The following EPS8 variants were observed in gnomAD, a reference collection of about 807,000 sequenced individuals.
The protein encoded by EPS8 is EGFR pathway substrate 8, signaling adaptor.
In EPS8, 42 loss-of-function variants were observed where a neutral mutation model predicts 103.8. The observed-to-expected ratio is 0.40, with a 90% CI of 0.32 to 0.52. EPS8 has a LOEUF of 0.52. EPS8 is among the 20% of genes least tolerant of loss of function. EPS8 has a pLI of 0.40. For missense variants in EPS8, 969 were observed against 1,005.1 expected (o/e 0.96, Z 0.49); for synonymous variants, 344 against 344.6 (o/e 1.00, Z 0.02).
rs1947245114 is a variant in EPS8 at position 15,780,144 on chromosome 12, TAAAC to T, written c.-22+9013_-22+9016del. ...TAGAAGAGAAGATTTATGCAATTCT[TAAAC>T]AGGTTTGGTATCTTTATTCTCTTCT... On this transcript the variant is annotated intron_variant, in intron 1 of 20. Transcript: ENST00000281172. This position sits in a 1 kb window ranked among gnomAD's most constrained non-coding sequence, Gnocchi z 4.1. The T allele has an allele frequency of 6.6e-6, 1 of 152,230 alleles. No individual in the cohort carries two copies. 9.4% of individuals were successfully genotyped at this position (152,230 alleles called of 1,614,324 possible).
intron 10 of EPS8, 71 bp from the exon 11 acceptor site, chr12:15,658,656 C>A (rs1043465361): frequency 5.7e-5 from 57 of 1,002,336 alleles, no homozygotes; most frequent in Non-Finnish European, 8.3e-5. Context: ...AAAACAAAAA[C>A]CACATTTATG....
chr12:15,690,305 A>T lies in EPS8; in HGVS notation c.-21-7333T>A, dbSNP rs1946154085. On this transcript the variant is annotated intron_variant, in intron 1 of 20. Coordinates refer to ENST00000281172, the MANE Select transcript of EPS8 (RefSeq NM_004447.6). The surrounding 1 kb of genome is among the most constrained non-coding windows in gnomAD (Gnocchi z 4.7). ...TAAATCATAAATACATCTCCCGAATATTACTACAAGTAAAAACTTAATTGT... is the reference window on the plus strand; with the variant it reads ...TAAATCATAAATACATCTCCCGAATTTTACTACAAGTAAAAACTTAATTGT... Among the ~76,000 whole-genome samples, 1 of 152,242 alleles carries T rather than the reference A, an allele frequency of 6.6e-6. No individual in the cohort carries two copies. The highest frequency in any genetic ancestry group is 1.5e-5 in the Non-Finnish European group (1 of 68,038).
At position 15,625,001 on chromosome 12, in the gene EPS8, C is replaced by T. The variant is rs574303593; in HGVS notation, c.2045-594G>A. On this transcript the variant is annotated intron_variant, in intron 18 of 20. Transcript: ENST00000281172. ...AGCCTCAAAGGCCAAGAAGTCCTGC[C>T]TAAGGTCATGTAACTGCCCACTGTC... 6.6e-5 allele frequency among the ~76,000 whole-genome samples: 10 copies of T among 152,308 alleles called. No individual in the cohort carries two copies. In the East Asian group the frequency reaches 1.9e-3, roughly 29 times the overall value.
Position 15,624,399 on chromosome 12 carries a change from A to G in EPS8, c.2053T>C (p.Ser685Pro). ...TCATCTTGCACTTCCTCCATCTGAG[A>G]TTTCCTTCCTAGACACCAACAGGGA... is the stretch of plus-strand genomic sequence containing the variant. Reference protein sequence around the residue: ...HKQLPVDRRKSQMEEVQDELI... With the variant: ...HKQLPVDRRKPQMEEVQDELI... The change falls in exon 19 of 21, where the codon TCT becomes CCT. Residue 685 changes from serine (S) to proline (P), a missense_variant. Transcript: ENST00000281172. 6.4e-7 allele frequency: 1 copy of G among 1,561,756 alleles called. No homozygotes were observed. The highest frequency in any genetic ancestry group is 1.2e-5 in the South Asian group (1 of 82,946).
At chr12:15,640,180 C>A (rs1418967073) in intron 17 of EPS8, among the ~76,000 whole-genome samples, 2 of 152,178 alleles carry the variant, frequency 1.3e-5, no homozygotes, top group Non-Finnish European at 2.9e-5. Flanking sequence ...ACCTTTTAAT[C>A]TTAAAATCAA....
chr12:15,689,336 T>C (rs1179654605), intron 1 of EPS8, among the ~76,000 whole-genome samples: 4 of 96,712 alleles, frequency 4.1e-5, no homozygotes, highest in Non-Finnish European at 1.1e-4. Flanking sequence ...ATATTTTTAA[T>C]GCTAAATATC....
intron 6 of EPS8, among the ~76,000 whole-genome samples, chr12:15,666,925 A>T (rs1335718349): frequency 6.6e-6 from 1 of 152,172 alleles, no homozygotes; most frequent in Admixed American, 6.5e-5. Flanking sequence ...TAACCCAGCA[A>T]AACAAATCTT....
chr12:15,732,441 A>G (rs751134336), intron 1 of EPS8, among the ~76,000 whole-genome samples: 6 of 152,178 alleles, frequency 3.9e-5, no homozygotes, highest in Non-Finnish European at 8.8e-5. Flanking sequence ...CATTTTATAT[A>G]CACTATCTCA....
In EPS8 at chr12:15,700,199, A is replaced by G. The variant is rs987618078; in HGVS notation, c.-21-17227T>C. Among the ~76,000 whole-genome samples the G allele has an allele frequency of 3.3e-5, 5 of 152,106 alleles. No homozygotes were observed. Among genetic ancestry groups the G allele is most frequent in the African/African-American group, 1.2e-4 (5 of 41,438 alleles). On this transcript the variant is annotated intron_variant, in intron 1 of 20. Coordinates refer to ENST00000281172, the MANE Select transcript of EPS8 (RefSeq NM_004447.6). The surrounding 1 kb of genome is among the most constrained non-coding windows in gnomAD (Gnocchi z 5.1). ...AAAGAAACTCTTCCCTAACCAACTC[A>G]ACGTTAACAATATCTAGTCAATTGG...
At position 15,621,321 on chromosome 12, in the gene EPS8, T is replaced by C. The variant is rs774942464; in HGVS notation, c.2465A>G (p.His822Arg). 67 of 1,548,482 alleles carry C rather than the reference T, an allele frequency of 4.3e-5. No homozygotes were observed. Among genetic ancestry groups the C allele is most frequent in the Non-Finnish European group, 5.5e-5 (63 of 1,139,974 alleles). ...GVESFDEGSSH is the reference protein window; with the variant it reads ...GVESFDEGSSR ...GTTTAAATACAAACAAACAAATTAG[T>C]GACTGCTTCCTTCATCAAAAGATTC... The change falls in exon 21 of 21, where the codon CAC becomes CGC. Residue 822 changes from histidine to arginine, a missense_variant. His to Arg is a conservative substitution (Grantham distance 29, BLOSUM62 0). Coordinates refer to ENST00000281172, the MANE Select transcript of EPS8 (RefSeq NM_004447.6).
Position 15,717,038 on chromosome 12 carries a change from A to G in EPS8, c.-21-34066T>C, listed in dbSNP as rs1946540027. On this transcript the variant is annotated intron_variant, in intron 1 of 20. Coordinates refer to ENST00000281172, the MANE Select transcript of EPS8 (RefSeq NM_004447.6). The surrounding 1 kb of genome is among the most constrained non-coding windows in gnomAD (Gnocchi z 4.3). Reference sequence around the variant, plus strand: ...CTAAACTACATATTATCAAATTTCAATTACATACATGCTAAGTTAGTTAAA... The same window carrying G: ...CTAAACTACATATTATCAAATTTCAGTTACATACATGCTAAGTTAGTTAAA... 2.6e-5 allele frequency among the ~76,000 whole-genome samples: 4 copies of G among 152,242 alleles called. No homozygotes were observed. Among genetic ancestry groups the G allele is most frequent in the African/African-American group, 9.6e-5 (4 of 41,452 alleles).
At chr12:15,682,260 A>G (rs1238276213) in intron 2 of EPS8, among the ~76,000 whole-genome samples, 1 of 152,254 alleles carries the variant, frequency 6.6e-6, no homozygotes, top group Non-Finnish European at 1.5e-5. Context: ...TTTTAGCATC[A>G]TGATTAAGAA....
At position 15,621,210 on chromosome 12, in the gene EPS8, T is replaced by C. The variant is rs1944856340; in HGVS notation, c.*107A>G. On this transcript the variant is annotated 3_prime_UTR_variant, in exon 21 of 21. Transcript: ENST00000281172. The stretch of plus-strand genomic sequence containing the variant: ...TTGCATGGGTTTTTTTTTATGGTGA[T>C]AAATTACATCAAGAAAAATGAATCT... 3 of 560,316 alleles carry C rather than the reference T, an allele frequency of 5.4e-6. No homozygotes were observed. The South Asian group carries it at 8.7e-5, about 16-fold the overall frequency. The allele number at this position is 560,316 out of a possible 1,614,324, so 34.7% of individuals were successfully genotyped here. A position where few individuals can be genotyped will look rare whatever the true frequency, so the allele number is the denominator to read the frequency against.
intron 13 of EPS8, among the ~76,000 whole-genome samples, chr12:15,651,522 G>A (rs1565480168): frequency 6.6e-6 from 1 of 152,154 alleles, no homozygotes; most frequent in African/African-American, 2.4e-5. Flanking sequence ...CCCCTAAACT[G>A]AAACAGATGG....
chr12:15,637,839 A>G (rs1172326788), intron 17 of EPS8, among the ~76,000 whole-genome samples: 1 of 152,218 alleles, frequency 6.6e-6, no homozygotes, highest in Non-Finnish European at 1.5e-5. Context: ...GAAGGAGCAA[A>G]GCCATGGCAG....
intron 1 of EPS8, among the ~76,000 whole-genome samples, chr12:15,765,860 C>T (rs1227039281): frequency 1.4e-5 from 2 of 145,848 alleles, no homozygotes; most frequent in African/African-American, 5.1e-5. Context: ...GTCGCCCAGG[C>T]TGGAGTACAG....
At chr12:15,657,063 G>C (rs1234755005) in intron 12 of EPS8, among the ~76,000 whole-genome samples, 2 of 152,198 alleles carry the variant, frequency 1.3e-5, no homozygotes, top group Middle Eastern at 3.4e-3. Flanking sequence ...AAACTCTTCA[G>C]TTGTCAAAGG....
Position 15,776,688 on chromosome 12 carries a change from T to A in EPS8, c.-22+12473A>T, listed in dbSNP as rs1197250691. 6.6e-6 allele frequency among the ~76,000 whole-genome samples: 1 copy of A among 152,224 alleles called. No individual in the cohort carries two copies. The highest frequency in any genetic ancestry group is 1.5e-5 in the Non-Finnish European group (1 of 68,034). On this transcript the variant is annotated intron_variant, in intron 1 of 20. Coordinates refer to ENST00000281172, the MANE Select transcript of EPS8 (RefSeq NM_004447.6). The surrounding 1 kb of genome is among the most constrained non-coding windows in gnomAD (Gnocchi z 4.2). ...AAATAATATATTGTTCCTTACAGCATATAATCAAAGTTCCCTAGATATAGC... is the reference window on the plus strand; with the variant it reads ...AAATAATATATTGTTCCTTACAGCAAATAATCAAAGTTCCCTAGATATAGC...
chr12:15,732,678 T>C, intron 1 of EPS8: 4 of 651,042 alleles, frequency 6.1e-6, no homozygotes, highest in Non-Finnish European at 7.6e-6. Context: ...TGACCTACTG[T>C]TTACTAAGAA....
Sources: gnomAD v4.1 joint callset for allele counts (sites outside exome capture counted in the v4.1 genomes callset) on GRCh38, gnomAD v4.1.1 for gene constraint, Gnocchi (gnomAD v3.1) non-coding constraint, MANE v1.5 for transcripts, NCBI Gene and HGNC (gene_info 2026-07-23, HGNC 2026-07-21) for gene names.